ADCY1: variants seen among roughly 807,000 people sequenced by gnomAD.
ADCY1 encodes adenylate cyclase type 1.
A neutral mutation model predicts 105.4 loss-of-function variants in ADCY1; 28 were observed. That is an observed-to-expected ratio of 0.27 (90% CI 0.20 to 0.36). ADCY1 has a LOEUF of 0.36. Among genes scored for constraint, ADCY1 ranks in the 10% least tolerant of loss-of-function variants. The pLI is 1.00. For missense variants in ADCY1, 977 were observed against 1,434.2 expected (o/e 0.68, Z 5.15); for synonymous variants, 655 against 623.8 (o/e 1.05, Z -0.75).
intron 7 of ADCY1, among the ~76,000 whole-genome samples, chr7:45,660,839 T>C (rs1226567080): frequency 4.5e-5 from 6 of 133,370 alleles, no homozygotes; most frequent in African/African-American, 1.8e-4. Context: ...GTGCAGGGCT[T>C]AGGTGAGGGT....
At chr7:45,630,658 T>A (rs1015004623) in intron 4 of ADCY1, among the ~76,000 whole-genome samples, 4 of 152,096 alleles carry the variant, frequency 2.6e-5, no homozygotes, top group African/African-American at 9.7e-5. Flanking sequence ...TCCCCCTCCC[T>A]CCCTCTCTCT....
Position 45,591,829 on chromosome 7 carries a change from C to T in ADCY1, c.640-930C>T, listed in dbSNP as rs1219589613. On this transcript the variant is annotated intron_variant, in intron 1 of 19. Coordinates refer to ENST00000297323, the MANE Select transcript of ADCY1 (RefSeq NM_021116.4). The surrounding 1 kb of genome is among the most constrained non-coding windows in gnomAD (Gnocchi z 4.1). ...CCTGGGTCAGGCTGGCCCCAGGTGC[C>T]TGATGCCTGGGTCTGAGCCTGGTTC... Among the ~76,000 whole-genome samples the T allele has an allele frequency of 6.6e-6, 1 of 152,150 alleles. No homozygotes were observed.
intron 5 of ADCY1, among the ~76,000 whole-genome samples, chr7:45,651,497 A>C (rs1794810831): frequency 6.6e-6 from 1 of 152,122 alleles, no homozygotes; most frequent in South Asian, 2.1e-4. Context: ...GTTTTATTTG[A>C]AACTTTGGAA....
chr7:45,641,488 G>A (rs1405614912), intron 4 of ADCY1, among the ~76,000 whole-genome samples: 2 of 151,984 alleles, frequency 1.3e-5, no homozygotes, highest in Admixed American at 6.6e-5. Context: ...ACATCATCTC[G>A]CTGCCTCCAT....
chr7:45,610,877 TGG>T (rs1793552190), intron 3 of ADCY1, among the ~76,000 whole-genome samples: 7 of 111,680 alleles, frequency 6.3e-5, no homozygotes, highest in African/African-American at 1.4e-4. Flanking sequence ...ATGGTGGAGG[TGG>T]GAAGGTGATG....
intron 3 of ADCY1, among the ~76,000 whole-genome samples, chr7:45,614,258 ATAAAT>A (rs1342725442): frequency 4.6e-5 from 7 of 152,156 alleles, no homozygotes; most frequent in African/African-American, 1.4e-4. Context: ...ACAACATAAA[ATAAAT>A]TATGAAGAAG....
intron 8 of ADCY1, among the ~76,000 whole-genome samples, chr7:45,668,971 G>C (rs969326727): frequency 6.6e-6 from 1 of 152,130 alleles, no homozygotes; most frequent in Non-Finnish European, 1.5e-5. Flanking sequence ...GGGATCGGTG[G>C]TGATATCCTC....
chr7:45,602,806 C>T (rs1320615610), intron 2 of ADCY1, among the ~76,000 whole-genome samples: 9 of 152,166 alleles, frequency 5.9e-5, no homozygotes, highest in Admixed American at 5.2e-4. Flanking sequence ...TAGAATTATG[C>T]AAGAATCTTA....
chr7:45,582,053 TCA>T (rs763174309), intron 1 of ADCY1, among the ~76,000 whole-genome samples: 32 of 152,142 alleles, frequency 2.1e-4, no homozygotes, highest in Non-Finnish European at 4.1e-4. Flanking sequence ...ACACACTAGC[TCA>T]CACACTCACA....
intron 7 of ADCY1, among the ~76,000 whole-genome samples, chr7:45,661,839 G>A (rs746868190): frequency 3.5e-4 from 54 of 152,248 alleles, no homozygotes; most frequent in Non-Finnish European, 6.0e-4. Context: ...CCTTTGGTGC[G>A]GATTGAGAAT....
intron 1 of ADCY1, among the ~76,000 whole-genome samples, chr7:45,579,350 C>G (rs975587102): frequency 4.6e-5 from 7 of 152,114 alleles, no homozygotes; most frequent in Admixed American, 6.5e-5. Flanking sequence ...GGCCCTACCT[C>G]CCCTGCTGGC....
chr7:45,599,189 T>C (rs550397354), intron 2 of ADCY1, among the ~76,000 whole-genome samples: 2 of 152,178 alleles, frequency 1.3e-5, no homozygotes, highest in African/African-American at 4.8e-5. Context: ...AACTTGTTGG[T>C]CATATGGCCT....
chr7:45,711,694 T>C (rs544597779), intron 19 of ADCY1, among the ~76,000 whole-genome samples: 37 of 142,706 alleles, frequency 2.6e-4, no homozygotes, highest in South Asian at 1.5e-3. Flanking sequence ...CACACACATA[T>C]ATGTATATAT....
intron 14 of ADCY1, among the ~76,000 whole-genome samples, chr7:45,702,449 C>T (rs1011680556): frequency 3.3e-5 from 5 of 152,246 alleles, no homozygotes; most frequent in East Asian, 1.9e-4. Flanking sequence ...TGGGCCGCTC[C>T]GCAAGGGCAA....
At chr7:45,651,532 G>A (rs1794812647) in intron 5 of ADCY1, among the ~76,000 whole-genome samples, 5 of 152,202 alleles carry the variant, frequency 3.3e-5, no homozygotes, top group Admixed American at 3.3e-4. Context: ...GTGAACAGGT[G>A]AAGTGGCCAG....
intron 1 of ADCY1, among the ~76,000 whole-genome samples, chr7:45,579,513 G>A (rs1435411469): frequency 1.3e-5 from 2 of 151,794 alleles, no homozygotes; most frequent in Non-Finnish European, 2.9e-5. Flanking sequence ...CCACTGGCCC[G>A]CTTATCTTCG....
chr7:45,651,360 T>A (rs1267215454), intron 5 of ADCY1, among the ~76,000 whole-genome samples: 1 of 152,178 alleles, frequency 6.6e-6, no homozygotes, highest in African/African-American at 2.4e-5. Flanking sequence ...GCCAGCCACA[T>A]TGGGCTGTGT....
intron 2 of ADCY1, among the ~76,000 whole-genome samples, chr7:45,605,216 TG>T (rs1793342276): frequency 6.6e-6 from 1 of 152,108 alleles, no homozygotes; most frequent in African/African-American, 2.4e-5. Context: ...GGAGTCTTTT[TG>T]GTACAATTTT....
In ADCY1 at chr7:45,686,718, GAGGAAGAAGTCTTC is replaced by G; in HGVS notation, c.2454+48_2454+61del. 1 of 1,565,946 alleles carries G rather than the reference GAGGAAGAAGTCTTC, an allele frequency of 6.4e-7. No homozygotes were observed. On this transcript the variant is annotated intron_variant, in intron 14 of 19. Transcript: ENST00000297323. The surrounding 1 kb of genome is among the most constrained non-coding windows in gnomAD (Gnocchi z 4.3). The stretch of plus-strand genomic sequence containing the variant: ...CTTTCTGGGGGTGGGGGATTTAGAG[GAGGAAGAAGTCTTC>G]AGCAAGCATCTGACGGGGGCTGCCA...
Sources: gnomAD v4.1 joint callset for allele counts (sites outside exome capture counted in the v4.1 genomes callset) on GRCh38, gnomAD v4.1.1 for gene constraint, Gnocchi (gnomAD v3.1) non-coding constraint, MANE v1.5 for transcripts, NCBI Gene and HGNC (gene_info 2026-07-23, HGNC 2026-07-21) for gene names.